Variants in NAALADL2 observed in about 807,000 individuals in gnomAD.
NAALADL2 encodes the protein inactive N-acetylated-alpha-linked acidic dipeptidase-like protein 2.
In NAALADL2, 76 loss-of-function variants were observed where a neutral mutation model predicts 87.2. The observed-to-expected ratio is 0.87, with a 90% CI of 0.72 to 1.05. NAALADL2 has a LOEUF of 1.05. Among genes scored for constraint, NAALADL2 ranks in the 50% least tolerant of loss-of-function variants. The pLI, the probability that NAALADL2 is intolerant of heterozygous loss-of-function variation, is 0.00. For synonymous variants in NAALADL2, 354 were observed against 331.0 expected (o/e 1.07, Z -0.75); for missense variants, 1,089 against 945.8 (o/e 1.15, Z -1.99).
intron 2 of NAALADL2, among the ~76,000 whole-genome samples, chr3:175,128,900 T>A (rs1376722321): frequency 6.6e-6 from 1 of 152,106 alleles, no homozygotes; most frequent in Non-Finnish European, 1.5e-5. Flanking sequence ...ATTTGAGCTA[T>A]GTATAGATTG....
intron 9 of NAALADL2, among the ~76,000 whole-genome samples, chr3:175,492,639 A>G (rs1728266480): frequency 6.6e-6 from 1 of 152,148 alleles, no homozygotes; most frequent in South Asian, 2.1e-4. Context: ...CATTCATTTA[A>G]CCCATTATGT....
rs562242240 is a variant in NAALADL2, at chr3:175,021,209, G to C, written c.44-75581G>C. ...TCTAATTGCTCTTCACCGAATATAC[G>C]CAATTTGTCCATTCATTTCTTGTCC... is the stretch of plus-strand genomic sequence containing the variant. On this transcript the variant is annotated intron_variant, in intron 1 of 13. Transcript: ENST00000454872. 7.8e-3 allele frequency among the ~76,000 whole-genome samples: 1,191 copies of C among 152,074 alleles called. 11 individuals carry two copies. The highest frequency in any genetic ancestry group is 0.013 in the Non-Finnish European group (876 of 67,954).
intron 1 of NAALADL2, among the ~76,000 whole-genome samples, chr3:174,878,607 T>G (rs987201061): frequency 2.6e-5 from 4 of 152,076 alleles, no homozygotes; most frequent in African/African-American, 9.7e-5. Flanking sequence ...GGAGATGAAA[T>G]GATTCTAAAT....
At chr3:174,946,285 G>T (rs1739409605) in intron 1 of NAALADL2, among the ~76,000 whole-genome samples, 2 of 151,816 alleles carry the variant, frequency 1.3e-5, no homozygotes, top group South Asian at 2.1e-4. Context: ...TTTACATTAG[G>T]CCAATGTATG....
At chr3:175,763,348 TA>T (rs1054454484) in intron 13 of NAALADL2, among the ~76,000 whole-genome samples, 1 of 152,188 alleles carries the variant, frequency 6.6e-6, no homozygotes, top group East Asian at 1.9e-4. Flanking sequence ...TAATATCTTT[TA>T]AAAAAATGCT....
chr3:174,939,098 A>C (rs1342875987), intron 1 of NAALADL2, among the ~76,000 whole-genome samples: 1 of 152,018 alleles, frequency 6.6e-6, no homozygotes, highest in East Asian at 1.9e-4. Flanking sequence ...TATATCCAGG[A>C]TGGTATTGCC....
intron 2 of NAALADL2, among the ~76,000 whole-genome samples, chr3:174,656,281 G>T (rs1724917794): frequency 6.6e-6 from 1 of 152,158 alleles, no homozygotes; most frequent in Non-Finnish European, 1.5e-5. Flanking sequence ...TCCCCATCAT[G>T]CAGAGAGAAA....
chr3:174,816,703 G>T (rs1720856400), intron 3 of NAALADL2, among the ~76,000 whole-genome samples: 1 of 151,958 alleles, frequency 6.6e-6, no homozygotes, highest in South Asian at 2.1e-4. Context: ...AGGTATATTG[G>T]ATTCCCAAAC....
chr3:175,034,533 T>C (rs1753181664), intron 1 of NAALADL2, among the ~76,000 whole-genome samples: 1 of 152,134 alleles, frequency 6.6e-6, no homozygotes, highest in Admixed American at 6.6e-5. Context: ...AATGACATCT[T>C]ATCAAAGAGA....
chr3:174,761,766 C>G (rs904838488), intron 3 of NAALADL2, among the ~76,000 whole-genome samples: 5 of 130,018 alleles, frequency 3.8e-5, no homozygotes, highest in African/African-American at 8.4e-5. Context: ...ACCCTCCCCC[C>G]ACCCCACGAC....
At chr3:175,797,905 A>G (rs964269106) in intron 13 of NAALADL2, among the ~76,000 whole-genome samples, 1 of 152,108 alleles carries the variant, frequency 6.6e-6, no homozygotes, top group Non-Finnish European at 1.5e-5. Context: ...CTTAGGATTA[A>G]TGATTGAATA....
chr3:175,252,934 G>A (rs1749311277), intron 3 of NAALADL2, among the ~76,000 whole-genome samples: 1 of 152,174 alleles, frequency 6.6e-6, no homozygotes, highest in Non-Finnish European at 1.5e-5. Context: ...GCAGAAGTTT[G>A]AAGTTAACAG....
intron 1 of NAALADL2, among the ~76,000 whole-genome samples, chr3:175,014,608 G>T (rs1377213013): frequency 6.6e-6 from 1 of 152,216 alleles, no homozygotes; most frequent in South Asian, 2.1e-4. Context: ...GGATTTGGAT[G>T]CTATAATTAA....
chr3:175,268,354 C>T (rs1244751478), intron 4 of NAALADL2, among the ~76,000 whole-genome samples: 1 of 151,876 alleles, frequency 6.6e-6, no homozygotes, highest in Non-Finnish European at 1.5e-5. Flanking sequence ...ACTGGTATAC[C>T]TGTATAGGGC....
chr3:175,761,874 A>G (rs922543494), intron 13 of NAALADL2, among the ~76,000 whole-genome samples: 6 of 151,764 alleles, frequency 4.0e-5, no homozygotes, highest in Non-Finnish European at 8.8e-5. Context: ...GAGTTGTTAG[A>G]CGTATTTTTA....
intron 3 of NAALADL2, among the ~76,000 whole-genome samples, chr3:174,785,058 A>C (rs1309490537): frequency 6.6e-6 from 1 of 152,092 alleles, no homozygotes; most frequent in East Asian, 1.9e-4. Context: ...CACGGGGTAC[A>C]TGTGCATGTT....
intron 2 of NAALADL2, among the ~76,000 whole-genome samples, chr3:174,681,087 C>A (rs904452301): frequency 2.0e-5 from 3 of 152,090 alleles, no homozygotes; most frequent in Admixed American, 2.0e-4. Context: ...TGCCCTGTCA[C>A]AGCAGAAAGA....
chr3:175,743,140 A>G (rs940895122), intron 12 of NAALADL2, among the ~76,000 whole-genome samples: 1 of 152,100 alleles, frequency 6.6e-6, no homozygotes, highest in Non-Finnish European at 1.5e-5. Flanking sequence ...AGATGGGATT[A>G]CAGGCATGCA....
At chr3:175,468,550 T>A (rs772443986) in intron 8 of NAALADL2, among the ~76,000 whole-genome samples, 13 of 152,082 alleles carry the variant, frequency 8.5e-5, no homozygotes, top group South Asian at 4.1e-4. Context: ...AAAGCACATA[T>A]CTTTAAAATG....
Sources: allele counts gnomAD v4.1 joint callset (sites outside exome capture counted in the v4.1 genomes callset), GRCh38; gene constraint gnomAD v4.1.1; transcripts MANE v1.5; gene names NCBI Gene and HGNC (gene_info 2026-07-23, HGNC 2026-07-21).